CDC23: variants seen among roughly 807,000 people sequenced by gnomAD.
The protein encoded by CDC23 is cell division cycle protein 23 homolog.
In CDC23, 26 loss-of-function variants were observed where a neutral mutation model predicts 81.7. That is an observed-to-expected ratio of 0.32 (90% CI 0.23 to 0.44). CDC23 has a LOEUF of 0.44. Ranked by LOEUF, CDC23 falls within the 20% of genes least tolerant of loss-of-function variation. The pLI is 1.00. For synonymous variants in CDC23, 267 were observed against 270.8 expected, an observed-to-expected ratio of 0.99 and a Z score of 0.14; for missense variants, 519 against 728.0, an observed-to-expected ratio of 0.71 and a Z score of 3.30.
At chr5:138,202,347 G>A (rs1330747631) in intron 3 of CDC23, among the ~76,000 whole-genome samples, 192 bp from the exon 4 acceptor site, 1 of 152,094 alleles carries the variant, frequency 6.6e-6, no homozygotes, top group African/African-American at 2.4e-5. Context: ...GCAGTAGCGT[G>A]GTCTCAGCTC....
In CDC23 at chr5:138,206,655, G is replaced by A; in HGVS notation, c.264C>T (p.Thr88=). 6.2e-7 allele frequency: 1 copy of A among 1,613,076 alleles called. No individual in the cohort carries two copies. Among genetic ancestry groups the A allele is most frequent in the Non-Finnish European group, 8.5e-7 (1 of 1,179,578 alleles). The change falls in exon 3 of 16, where the codon ACC becomes ACT. Residue 88 remains threonine, a synonymous_variant. Coordinates refer to ENST00000394886, the MANE Select transcript of CDC23 (RefSeq NM_004661.4). The part of the protein sequence containing the change: ...EEDAQDMDAY[T]LAKAYFDVKE... ...TAACGTCAAAGTAGGCCTTGGCCAG[G>A]GTATAGGCATCCATATCCTGGGCAT...
chr5:138,202,082 A>C, intron 4 of CDC23, 31 bp downstream of exon 4: 2 of 1,572,760 alleles, frequency 1.3e-6, no homozygotes, highest in Non-Finnish European at 1.7e-6. Flanking sequence ...CCTGCTTTTT[A>C]GGTCAAAAGG....
intron 9 of CDC23, among the ~76,000 whole-genome samples, chr5:138,193,595 T>TA (rs1162571701): frequency 6.1e-5 from 8 of 131,370 alleles, no homozygotes; most frequent in Admixed American, 7.7e-5. Flanking sequence ...AACAACATCT[T>TA]AAAAAAAAAG....
In CDC23 at chr5:138,198,743, ACT is replaced by A. The variant is rs1251636342; in HGVS notation, c.692_693del (p.Glu231ValfsTer25). 6.2e-7 allele frequency: 1 copy of A among 1,613,638 alleles called. No homozygotes were observed. Among genetic ancestry groups the A allele is most frequent in the Non-Finnish European group, 8.5e-7 (1 of 1,179,952 alleles). On this transcript the variant is annotated frameshift_variant, in exon 7 of 16. Coordinates refer to ENST00000394886, the MANE Select transcript of CDC23 (RefSeq NM_004661.4). LOFTEE classifies it high-confidence loss of function. Reference protein sequence around the residue: ...FLSLPDTWMKEFFLAHIYTEL... With the variant: ...FLSLPDTWMKXFFLAHIYTEL... Reference sequence around the variant, plus strand: ...TCTGTGTATATATGAGCCAGAAAAAACTCTTTCATCCAGGTGTCTGGCAAAGA... The same window carrying A: ...TCTGTGTATATATGAGCCAGAAAAAACTTTCATCCAGGTGTCTGGCAAAGA...
At chr5:138,203,356 A>G (rs1305497944) in intron 3 of CDC23, among the ~76,000 whole-genome samples, 1 of 152,184 alleles carries the variant, frequency 6.6e-6, no homozygotes, top group East Asian at 1.9e-4. Context: ...AGAGGGGAGA[A>G]GGAGGTATAT....
intron 9 of CDC23, among the ~76,000 whole-genome samples, chr5:138,196,295 ATTT>A (rs771448189): frequency 7.0e-6 from 1 of 143,692 alleles, no homozygotes. Context: ...ATATATATTG[ATTT>A]TTTTTTTTTT....
rs953616869 is a variant in CDC23 at position 138,201,407 on chromosome 5, C to A, written c.457G>T (p.Glu153Ter). 6.2e-7 allele frequency: 1 copy of A among 1,614,022 alleles called. No homozygotes were observed. Among genetic ancestry groups the A allele is most frequent in the Non-Finnish European group, 8.5e-7 (1 of 1,180,014 alleles). The change falls in exon 5 of 16, where the codon GAA becomes TAA. Residue 153 changes from glutamate to a stop codon, truncating the protein, a stop_gained. Coordinates refer to ENST00000394886, the MANE Select transcript of CDC23 (RefSeq NM_004661.4). LOFTEE classifies it high-confidence loss of function. ...KGQVKNEALRELRVELSKKHQ... is the reference protein window; with the variant it reads ...KGQVKNEALR ...TTTTTGCTGAGCTCCACTCTCAATTCTCTAAGCGCCTCATTTTTCACTTGT... is the reference window on the plus strand; with the variant it reads ...TTTTTGCTGAGCTCCACTCTCAATTATCTAAGCGCCTCATTTTTCACTTGT...
rs1308055760 is a variant in CDC23, at chr5:138,196,871, C to T, written c.1012+1328G>A. ...CTGGGATTACAGGTGTGAGCCACCGCGCCTGGCCTTTTTTTTTCCTTTTTT... is the reference window on the plus strand; with the variant it reads ...CTGGGATTACAGGTGTGAGCCACCGTGCCTGGCCTTTTTTTTTCCTTTTTT... On this transcript the variant is annotated intron_variant, in intron 9 of 15. Transcript: ENST00000394886. 4.1e-5 allele frequency among the ~76,000 whole-genome samples: 6 copies of T among 147,246 alleles called. No homozygotes were observed. The South Asian group carries it at 8.7e-4, about 21-fold the overall frequency.
Position 138,198,531 on chromosome 5 carries a change from A to G in CDC23, c.833-8T>C, listed in dbSNP as rs1165225129. 4 of 1,613,146 alleles carry G rather than the reference A, an allele frequency of 2.5e-6. No individual in the cohort carries two copies. The South Asian group carries it at 4.4e-5, about 18-fold the overall frequency. On this transcript the variant is annotated splice_region_variant and splice_polypyrimidine_tract_variant and intron_variant, in intron 7 of 15. Transcript: ENST00000394886. ...AGAGGGCTTTGTCAATATCTGCAGA[A>G]AGAAGATAGTTCAGAAAACAGCACA...
At chr5:138,206,802 A>G in intron 2 of CDC23, 118 bp from the exon 3 acceptor site, 4 of 839,784 alleles carry the variant, frequency 4.8e-6, no homozygotes, top group Non-Finnish European at 7.1e-6. Flanking sequence ...TCTTCCTCCT[A>G]AAAACCTAGA....
rs1379314914 is a variant in CDC23, at chr5:138,196,886, T to C, written c.1012+1313A>G. On this transcript the variant is annotated intron_variant, in intron 9 of 15. Coordinates refer to ENST00000394886, the MANE Select transcript of CDC23 (RefSeq NM_004661.4). ...TGAGCCACCGCGCCTGGCCTTTTTT[T>C]TTCCTTTTTTTTTTTTTTTTTTTTT... 2.1e-5 allele frequency among the ~76,000 whole-genome samples: 3 copies of C among 144,274 alleles called. No individual in the cohort carries two copies. In the East Asian group the frequency reaches 5.8e-4, roughly 28 times the overall value. 94.6% of individuals were successfully genotyped at this position (144,274 alleles called of 152,430 possible). A position where few individuals can be genotyped will look rare whatever the true frequency, so the allele number is the denominator to read the frequency against.
rs1231633478 is a variant in CDC23, at chr5:138,191,945, A to G, written c.1287-8T>C. On this transcript the variant is annotated splice_region_variant and splice_polypyrimidine_tract_variant and intron_variant, in intron 11 of 15. Coordinates refer to ENST00000394886, the MANE Select transcript of CDC23 (RefSeq NM_004661.4). ...ATGCGAGAATCATTGGGTCTGAGAA[A>G]GAAGAACAGGCAGTCTGAGCAAAGA... The G allele has an allele frequency of 6.2e-7, 1 of 1,613,112 alleles. No individual in the cohort carries two copies. The highest frequency in any genetic ancestry group is 1.1e-5 in the South Asian group (1 of 91,026).
At chr5:138,195,781 TAC>T (rs1311322061) in intron 9 of CDC23, among the ~76,000 whole-genome samples, 1 of 124,412 alleles carries the variant, frequency 8.0e-6, no homozygotes, top group Admixed American at 1.0e-4. Flanking sequence ...TGTGTATATA[TAC>T]ATATATTTTA....
rs566654900 is a variant in CDC23 at position 138,189,000 on chromosome 5, T to C, written c.1772A>G (p.Asn591Ser). ...CAACTATGGCGTGACAGAAGACAAG[T>C]TGAGTGGAGAAACTCTGCGTGTGGG... ...NTPTRRVSPL[N>S]LSSVTP Residue 591 changes from asparagine to serine, a missense_variant, in exon 16 of 16, where the codon AAC (asparagine) becomes AGC (serine). By Grantham distance (46) the Asn-to-Ser change is conservative. Coordinates refer to ENST00000394886, the MANE Select transcript of CDC23 (RefSeq NM_004661.4). 2.5e-5 allele frequency: 40 copies of C among 1,613,994 alleles called. No individual in the cohort carries two copies. Among genetic ancestry groups the C allele is most frequent in the East Asian group, 1.8e-4 (8 of 44,872 alleles).
At chr5:138,209,430 AAAAAGAAAAG>A (rs562522195) in intron 2 of CDC23, among the ~76,000 whole-genome samples, 19 of 151,078 alleles carry the variant, frequency 1.3e-4, no homozygotes, top group East Asian at 3.9e-4. Context: ...TCAAAAAAAA[AAAAAGAAAAG>A]AAAAGAAAAG....
intron 15 of CDC23, 31 bp from the exon 16 acceptor site, chr5:138,189,179 C>T: frequency 6.2e-7 from 1 of 1,604,808 alleles, no homozygotes; most frequent in Non-Finnish European, 8.5e-7. Flanking sequence ...TGTTTCAAAA[C>T]ATGTCCAAAG....
Position 138,198,284 on chromosome 5 carries a change from G to T in CDC23, c.931-4C>A. The T allele has an allele frequency of 6.2e-7, 1 of 1,611,518 alleles. No homozygotes were observed. The highest frequency in any genetic ancestry group is 8.5e-7 in the Non-Finnish European group (1 of 1,177,990). On this transcript the variant is annotated splice_polypyrimidine_tract_variant and splice_region_variant and intron_variant, in intron 8 of 15. Coordinates refer to ENST00000394886, the MANE Select transcript of CDC23 (RefSeq NM_004661.4). ...AACTCAACTCCGATTTCATGCTCTGGGATAAAAGAAAAAGACAATATAAGC... is the reference window on the plus strand; with the variant it reads ...AACTCAACTCCGATTTCATGCTCTGTGATAAAAGAAAAAGACAATATAAGC...
intron 9 of CDC23, among the ~76,000 whole-genome samples, chr5:138,197,992 C>A (rs745719713): frequency 3.9e-5 from 6 of 152,100 alleles, no homozygotes; most frequent in Non-Finnish European, 8.8e-5. Context: ...GGCTCTCACT[C>A]TGTTGCCCAG....
chr5:138,191,360 C>A, intron 13 of CDC23, 114 bp downstream of exon 13: 1 of 900,082 alleles, frequency 1.1e-6, no homozygotes, highest in South Asian at 1.3e-5. Flanking sequence ...CACCCTGCTA[C>A]ATCCCTACAC....
Sources: gnomAD v4.1 joint callset for allele counts (sites outside exome capture counted in the v4.1 genomes callset) on GRCh38, gnomAD v4.1.1 for gene constraint, MANE v1.5 for transcripts, NCBI Gene and HGNC (gene_info 2026-07-23, HGNC 2026-07-21) for gene names.